LSAMP: variants seen among roughly 807,000 people sequenced by gnomAD.
LSAMP encodes the protein limbic system-associated membrane protein.
A neutral mutation model predicts 38.6 loss-of-function variants in LSAMP; 7 were observed. That is an observed-to-expected ratio of 0.18 (90% CI 0.10 to 0.34). LSAMP has a LOEUF of 0.34. LSAMP is among the 10% of genes least tolerant of loss of function. The probability of loss-of-function intolerance (pLI) is 1.00; values close to 1 mark genes in which losing one functional copy is unlikely to be tolerated. For synonymous variants in LSAMP, 154 were observed against 166.8 expected (o/e 0.92, Z 0.59); for missense variants, 313 against 420.0 (o/e 0.75, Z 2.23).
chr3:115,997,175 A>G (rs1302309055), intron 3 of LSAMP, among the ~76,000 whole-genome samples: 1 of 152,182 alleles, frequency 6.6e-6, no homozygotes, highest in Non-Finnish European at 1.5e-5. Flanking sequence ...TAAATAATAT[A>G]TAGTAGACTT....
At chr3:116,305,341 A>C (rs1205761280) in intron 1 of LSAMP, among the ~76,000 whole-genome samples, 1 of 152,134 alleles carries the variant, frequency 6.6e-6, no homozygotes, top group African/African-American at 2.4e-5. Flanking sequence ...ATCTAGGACT[A>C]AAATACTGTA....
At chr3:115,923,231 C>T (rs1471229906) in intron 3 of LSAMP, among the ~76,000 whole-genome samples, 1 of 152,186 alleles carries the variant, frequency 6.6e-6, no homozygotes, top group Non-Finnish European at 1.5e-5. Flanking sequence ...CTCCAAAGAG[C>T]CAGATTGTTG....
intron 1 of LSAMP, among the ~76,000 whole-genome samples, chr3:116,219,424 C>G (rs1334105362): frequency 6.6e-6 from 1 of 152,194 alleles, no homozygotes; most frequent in Non-Finnish European, 1.5e-5. Flanking sequence ...GGAGTGCTAA[C>G]TAGTATCTCT....
chr3:115,967,308 C>T (rs1024792492), intron 3 of LSAMP, among the ~76,000 whole-genome samples: 3 of 152,156 alleles, frequency 2.0e-5, no homozygotes, highest in African/African-American at 7.2e-5. Context: ...TAACAAGAGT[C>T]ACCATTGCAC....
chr3:116,049,795 A>G (rs910144263), intron 2 of LSAMP, among the ~76,000 whole-genome samples: 1 of 152,210 alleles, frequency 6.6e-6, no homozygotes, highest in Non-Finnish European at 1.5e-5. Flanking sequence ...TGAACATTTT[A>G]ATCAACATCA....
At chr3:116,290,521 G>A (rs1347098457) in intron 1 of LSAMP, among the ~76,000 whole-genome samples, 1 of 151,916 alleles carries the variant, frequency 6.6e-6, no homozygotes, top group African/African-American at 2.4e-5. Context: ...CATGGGGTCA[G>A]GAGTTTGAGA....
intron 1 of LSAMP, among the ~76,000 whole-genome samples, chr3:116,338,252 T>C (rs72950159): frequency 6.6e-6 from 1 of 151,970 alleles, no homozygotes; most frequent in Non-Finnish European, 1.5e-5. Flanking sequence ...TGAGTTTGCC[T>C]TTCCTATCCT....
intron 1 of LSAMP, among the ~76,000 whole-genome samples, chr3:116,412,265 A>G (rs1253680017): frequency 6.6e-6 from 1 of 152,070 alleles, no homozygotes. Flanking sequence ...CAGAAAGGCA[A>G]AGCAATAGAT....
intron 1 of LSAMP, among the ~76,000 whole-genome samples, chr3:116,099,080 C>T (rs565173914): frequency 6.6e-6 from 1 of 152,334 alleles, no homozygotes; most frequent in South Asian, 2.1e-4. Flanking sequence ...AAGGCCATCA[C>T]CCCCTTGTAC....
chr3:116,069,894 T>C (rs1707559159), intron 2 of LSAMP, among the ~76,000 whole-genome samples: 2 of 152,022 alleles, frequency 1.3e-5, no homozygotes, highest in Admixed American at 1.3e-4. Flanking sequence ...GGAATCAAAC[T>C]ATATAGATGT....
intron 1 of LSAMP, among the ~76,000 whole-genome samples, chr3:116,430,041 G>C (rs140234965): frequency 6.6e-6 from 1 of 152,114 alleles, no homozygotes; most frequent in Non-Finnish European, 1.5e-5. Context: ...ATTAGAAGAC[G>C]TAAGAGATGA....
intron 3 of LSAMP, among the ~76,000 whole-genome samples, chr3:115,992,031 G>A (rs552032465): frequency 6.6e-6 from 1 of 152,100 alleles, no homozygotes; most frequent in East Asian, 1.9e-4. Context: ...GGGGGCGGGT[G>A]GACAGCATGG....
intron 1 of LSAMP, among the ~76,000 whole-genome samples, chr3:116,292,104 T>TTATC (rs1328508560): frequency 3.9e-5 from 6 of 152,182 alleles, no homozygotes. Flanking sequence ...AATTTAAAAT[T>TTATC]TATCTTTGGT....
intron 1 of LSAMP, among the ~76,000 whole-genome samples, chr3:116,216,562 A>G (rs2046222731): frequency 1.3e-5 from 1 of 75,930 alleles, no homozygotes; most frequent in Non-Finnish European, 2.6e-5. Context: ...AAGAATGAGA[A>G]AAAAAAAAAG....
At chr3:115,877,080 T>G (rs916904053) in intron 3 of LSAMP, among the ~76,000 whole-genome samples, 4 of 152,162 alleles carry the variant, frequency 2.6e-5, no homozygotes, top group African/African-American at 9.7e-5. Context: ...AATCAACAGT[T>G]GCTTGCTCGA....
At chr3:115,925,331 C>G (rs1937474686) in intron 3 of LSAMP, among the ~76,000 whole-genome samples, 1 of 152,156 alleles carries the variant, frequency 6.6e-6, no homozygotes, top group South Asian at 2.1e-4. Flanking sequence ...CTTTCTGGCA[C>G]AGAACTCAAA....
rs144720544 is a variant in LSAMP at position 116,313,887 on chromosome 3, G to C, written c.155+130990C>G. Among the ~76,000 whole-genome samples the C allele has an allele frequency of 4.8e-3, 726 of 152,214 alleles. 4 individuals carry two copies. The highest frequency in any genetic ancestry group is 0.017 in the African/African-American group (687 of 41,520). ...GAGAATTGCTTGAACCTGGAAGGCAGAGATTGCAGTGAGCCGAGATCACAC... is the reference window on the plus strand; with the variant it reads ...GAGAATTGCTTGAACCTGGAAGGCACAGATTGCAGTGAGCCGAGATCACAC... On this transcript the variant is annotated intron_variant, in intron 1 of 6. Transcript: ENST00000490035.
intron 1 of LSAMP, among the ~76,000 whole-genome samples, chr3:116,227,017 T>A (rs752307798): frequency 4.6e-5 from 7 of 152,148 alleles, no homozygotes; most frequent in African/African-American, 9.7e-5. Context: ...TTGAAGGTGT[T>A]TTTTTTTCCT....
intron 1 of LSAMP, among the ~76,000 whole-genome samples, chr3:116,394,215 T>C (rs1333036460): frequency 6.6e-6 from 1 of 152,206 alleles, no homozygotes; most frequent in Non-Finnish European, 1.5e-5. Context: ...AGCATCTCCA[T>C]AGTCCCAACC....
Sources: allele counts gnomAD v4.1 joint callset (sites outside exome capture counted in the v4.1 genomes callset), GRCh38; gene constraint gnomAD v4.1.1; transcripts MANE v1.5; gene names NCBI Gene and HGNC (gene_info 2026-07-23, HGNC 2026-07-21).